RHBDD1: variants seen among roughly 807,000 people sequenced by gnomAD.
The protein encoded by RHBDD1 is rhomboid-related protein 4.
RHBDD1 carries 38 observed loss-of-function variants against 36.3 expected under a neutral mutation model. The ratio of observed to expected loss-of-function variants is 1.05; its 90% CI spans 0.81 to 1.37. The LOEUF is 1.37. Among genes scored for constraint, RHBDD1 ranks in the 40% most tolerant of loss-of-function variants. The pLI is 0.00. For missense variants in RHBDD1, 393 were observed against 377.6 expected, an observed-to-expected ratio of 1.04 and a Z score of -0.34; for synonymous variants, 151 against 136.5, an observed-to-expected ratio of 1.11 and a Z score of -0.74.
intron 5 of RHBDD1, among the ~76,000 whole-genome samples, chr2:226,891,335 C>T (rs1356992385): frequency 2.0e-5 from 3 of 152,180 alleles, no homozygotes; most frequent in African/African-American, 4.8e-5. Context: ...TTGACTCTCT[C>T]CCTAAGGCAG....
intron 8 of RHBDD1, among the ~76,000 whole-genome samples, chr2:226,969,998 C>CA (rs1406963733): frequency 8.1e-6 from 1 of 123,020 alleles, no homozygotes; most frequent in Non-Finnish European, 1.6e-5. Context: ...GTCCCCCCCC[C>CA]CTTAATTTTT....
intron 3 of RHBDD1, among the ~76,000 whole-genome samples, chr2:226,853,991 G>T (rs895413843): frequency 6.6e-6 from 1 of 151,698 alleles, no homozygotes; most frequent in African/African-American, 2.4e-5. Context: ...TCTTCTACAG[G>T]ATTGTGAGAA....
chr2:226,829,199 G>T, the RHBDD1 span, among the ~76,000 whole-genome samples: 4 of 152,060 alleles, frequency 2.6e-5, no homozygotes, highest in Middle Eastern at 3.4e-3. Context: ...CCACATAGGG[G>T]GTTATTTCAG....
intron 8 of RHBDD1, among the ~76,000 whole-genome samples, chr2:226,930,699 C>T (rs1259981096): frequency 1.3e-5 from 2 of 151,908 alleles, no homozygotes; most frequent in Non-Finnish European, 2.9e-5. Context: ...GAGTAAAATA[C>T]AACCCACAGA....
chr2:226,824,728 T>C, the RHBDD1 span, among the ~76,000 whole-genome samples: 1 of 152,228 alleles, frequency 6.6e-6, no homozygotes, highest in Non-Finnish European at 1.5e-5. Flanking sequence ...CTTCTGCCTC[T>C]GGCCCCCTTC....
intron 8 of RHBDD1, among the ~76,000 whole-genome samples, chr2:226,936,597 A>G (rs544556066): frequency 7.2e-5 from 11 of 152,286 alleles, no homozygotes; most frequent in Admixed American, 7.2e-4. Flanking sequence ...GAAAAATGTA[A>G]TGAATTAATT....
intron 8 of RHBDD1, among the ~76,000 whole-genome samples, chr2:226,975,980 G>A (rs1954492628): frequency 6.6e-6 from 1 of 152,088 alleles, no homozygotes; most frequent in Middle Eastern, 3.4e-3. Context: ...CACACTCATG[G>A]TTCCAGTTGA....
At chr2:226,846,527 TCA>T (rs1942238160) in intron 3 of RHBDD1, among the ~76,000 whole-genome samples, 2 of 152,114 alleles carry the variant, frequency 1.3e-5, no homozygotes, top group Admixed American at 1.3e-4. Flanking sequence ...GTGGATCACC[TCA>T]GGTCAGGAGT....
chr2:226,991,567 A>G (rs1438397226), intron 8 of RHBDD1, among the ~76,000 whole-genome samples: 2 of 152,234 alleles, frequency 1.3e-5, no homozygotes, highest in Non-Finnish European at 2.9e-5. Flanking sequence ...TTAGAGATGA[A>G]CAATCATACC....
At chr2:226,941,476 A>T (rs549338330) in intron 8 of RHBDD1, among the ~76,000 whole-genome samples, 6 of 152,290 alleles carry the variant, frequency 3.9e-5, no homozygotes, top group Admixed American at 3.9e-4. Flanking sequence ...GTGTGTTAAC[A>T]CTTGTTATAT....
At chr2:226,924,666 A>G (rs1949553811) in intron 8 of RHBDD1, among the ~76,000 whole-genome samples, 1 of 152,206 alleles carries the variant, frequency 6.6e-6, no homozygotes, top group African/African-American at 2.4e-5. Flanking sequence ...CCATGGTGTC[A>G]GGGCCTGATG....
chr2:226,908,715 A>C (rs1189134879), intron 6 of RHBDD1, 107 bp from the exon 7 acceptor site: 3 of 784,212 alleles, frequency 3.8e-6, no homozygotes, highest in Admixed American at 4.2e-5. Context: ...TTTAGAAATC[A>C]TTTGAAATGA....
chr2:226,814,411 G>A, the RHBDD1 span, among the ~76,000 whole-genome samples: 1 of 152,166 alleles, frequency 6.6e-6, no homozygotes, highest in African/African-American at 2.4e-5. Flanking sequence ...GGGCCCACAT[G>A]GATGACTTTG....
At chr2:226,861,135 A>G (rs1574843782) in intron 3 of RHBDD1, among the ~76,000 whole-genome samples, 1 of 152,244 alleles carries the variant, frequency 6.6e-6, no homozygotes, top group Non-Finnish European at 1.5e-5. Context: ...TTCTAAGATT[A>G]CGTCCCTGAA....
intron 8 of RHBDD1, among the ~76,000 whole-genome samples, chr2:226,975,954 A>G (rs1954486616): frequency 6.6e-6 from 1 of 152,020 alleles, no homozygotes; most frequent in African/African-American, 2.4e-5. Context: ...TTCTGTATCT[A>G]GATCTGGGGA....
intron 8 of RHBDD1, among the ~76,000 whole-genome samples, chr2:226,968,442 T>C (rs1952824367): frequency 6.6e-6 from 1 of 152,202 alleles, no homozygotes; most frequent in Non-Finnish European, 1.5e-5. Context: ...AGCTCTGCTC[T>C]TAAGGCCTTT....
intron 3 of RHBDD1, among the ~76,000 whole-genome samples, chr2:226,856,526 A>G (rs867914973): frequency 1.3e-5 from 2 of 152,328 alleles, no homozygotes; most frequent in South Asian, 2.1e-4. Flanking sequence ...CATTGGCTCT[A>G]TAGTAACAGT....
At chr2:226,993,418 A>G (rs1010295766) in intron 8 of RHBDD1, among the ~76,000 whole-genome samples, 1 of 152,206 alleles carries the variant, frequency 6.6e-6, no homozygotes, top group Non-Finnish European at 1.5e-5. Flanking sequence ...CACAAGTGCA[A>G]TTAAGACCAG....
At chr2:226,914,114 T>C (rs1221033310) in intron 7 of RHBDD1, 94 bp from the exon 8 acceptor site, 3 of 1,073,796 alleles carry the variant, frequency 2.8e-6, no homozygotes, top group Admixed American at 2.2e-5. Flanking sequence ...AAAATAATGT[T>C]ATGCCTTACT....
Sources: allele counts gnomAD v4.1 joint callset (sites outside exome capture counted in the v4.1 genomes callset), GRCh38; gene constraint gnomAD v4.1.1; transcripts MANE v1.5; gene names NCBI Gene and HGNC (gene_info 2026-07-23, HGNC 2026-07-21).